The following USP20 variants were observed in gnomAD, a reference collection of about 807,000 sequenced individuals.
USP20 encodes the protein ubiquitin carboxyl-terminal hydrolase 20.
A neutral mutation model predicts 124.2 loss-of-function variants in USP20; 80 were observed. The observed-to-expected ratio is 0.64, with a 90% CI of 0.54 to 0.78. The LOEUF (loss-of-function observed/expected upper bound fraction) is 0.78, where lower values mean the gene tolerates loss of function less well. Ranked by LOEUF, USP20 falls within the 30% of genes least tolerant of loss-of-function variation. USP20 has a pLI of 0.00. For missense variants in USP20, 1,043 were observed against 1,244.4 expected (o/e 0.84, Z 2.44); for synonymous variants, 481 against 512.3 (o/e 0.94, Z 0.83).
intron 3 of USP20, among the ~76,000 whole-genome samples, chr9:129,853,783 A>AG (rs1042382645): frequency 2.6e-5 from 4 of 152,104 alleles, no homozygotes; most frequent in African/African-American, 9.7e-5. Flanking sequence ...ATCTGAGAGC[A>AG]GGGGGGGGAT....
In USP20 at chr9:129,858,117, G is replaced by T. The variant is rs755897614; in HGVS notation, c.198+5G>T. On this transcript the variant is annotated splice_donor_5th_base_variant and intron_variant, in intron 5 of 25. Transcript: ENST00000372429. ...CACAGCACCATTCATGCACAGGTGA[G>T]TGTGGTGGCTGAGAGTATGGGCCCT... 27 of 1,613,618 alleles carry T rather than the reference G, an allele frequency of 1.7e-5. No homozygotes were observed. The highest frequency in any genetic ancestry group is 2.2e-5 in the Non-Finnish European group (26 of 1,180,006).
rs2034587584 is a variant in USP20 at position 129,880,281 on chromosome 9, G to A, written c.*8G>A. 8 of 1,584,618 alleles carry A rather than the reference G, an allele frequency of 5.0e-6. No homozygotes were observed. Among genetic ancestry groups the A allele is most frequent in the Non-Finnish European group, 6.8e-6 (8 of 1,168,030 alleles). On this transcript the variant is annotated 3_prime_UTR_variant, in exon 25 of 26. Coordinates refer to ENST00000372429, the MANE Select transcript of USP20 (RefSeq NM_001110303.4). ...GAGACGCGGGCCGTGTGATCTGCTG[G>A]GCTAGTCTGTAAGTCGCCCCGGCTG...
chr9:129,875,030 G>A, intron 19 of USP20, 75 bp downstream of exon 19: 2 of 1,564,614 alleles, frequency 1.3e-6, no homozygotes, highest in Non-Finnish European at 1.7e-6. Flanking sequence ...TTCTGGGTGT[G>A]TGTAGGGGAC....
chr9:129,873,865 G>A (rs1031133212), intron 17 of USP20, 121 bp downstream of exon 17: 68 of 1,246,518 alleles, frequency 5.5e-5, no homozygotes, highest in African/African-American at 8.8e-5. Context: ...GGGCCGTGGA[G>A]ACTCCATAGC....
At chr9:129,852,121 C>G (rs145292235) in intron 2 of USP20, among the ~76,000 whole-genome samples, 1 of 152,316 alleles carries the variant, frequency 6.6e-6, no homozygotes, top group South Asian at 2.1e-4. Flanking sequence ...TCTACACTGC[C>G]GCCTTCTCTG....
Position 129,879,450 on chromosome 9 carries a change from C to A in USP20, c.2513-123C>A. 1 of 907,408 alleles carries A rather than the reference C, an allele frequency of 1.1e-6. No homozygotes were observed. 56.2% of individuals were successfully genotyped at this position (907,408 alleles called of 1,614,324 possible). On this transcript the variant is annotated intron_variant, in intron 23 of 25. Transcript: ENST00000372429. The surrounding 1 kb of genome is among the most constrained non-coding windows in gnomAD (Gnocchi z 4.2). Reference sequence around the variant, plus strand: ...GGAGCATTGGGTGGCTCAGGCGCCTCATCCATTAGAGACTTCACGCTGACC... The same window carrying A: ...GGAGCATTGGGTGGCTCAGGCGCCTAATCCATTAGAGACTTCACGCTGACC...
chr9:129,869,226 A>T lies in USP20; in HGVS notation c.1277-84A>T, dbSNP rs1022529115. 15 of 1,425,270 alleles carry T rather than the reference A, an allele frequency of 1.1e-5. No homozygotes were observed. The East Asian group carries it at 3.4e-4, about 33-fold the overall frequency. The allele number at this position is 1,425,270 out of a possible 1,614,324, so 88.3% of individuals were successfully genotyped here. On this transcript the variant is annotated intron_variant, in intron 12 of 25. Transcript: ENST00000372429. The stretch of plus-strand genomic sequence containing the variant: ...ATGTGACTCACGGATGTCACTCCAC[A>T]TCCTGTCAAAGGAAGCCGCAGGGCC...
chr9:129,866,615 G>A (rs1225467667), intron 10 of USP20, among the ~76,000 whole-genome samples: 2 of 152,228 alleles, frequency 1.3e-5, no homozygotes, highest in African/African-American at 2.4e-5. Flanking sequence ...GGAGGGCCAT[G>A]CGCTGCGGCA....
intron 1 of USP20, among the ~76,000 whole-genome samples, chr9:129,837,372 C>G (rs907625655): frequency 2.6e-4 from 39 of 152,248 alleles, no homozygotes; most frequent in African/African-American, 8.4e-4. Context: ...TTTCCTAGCT[C>G]CTTTCTGGAG....
rs201644041 is a variant in USP20 at position 129,870,590 on chromosome 9, T to A, written c.1660+43T>A. The A allele has an allele frequency of 1.5e-4, 248 of 1,606,062 alleles. 1 individual carries two copies. The East Asian group carries it at 5.5e-3, about 36-fold the overall frequency. ...CAAGGGTCGGGGAGGTGGAGGGTTGTGGGGACGGGGATGTGCAGACCCCAG... is the reference window on the plus strand; with the variant it reads ...CAAGGGTCGGGGAGGTGGAGGGTTGAGGGGACGGGGATGTGCAGACCCCAG... On this transcript the variant is annotated intron_variant, in intron 15 of 25. Coordinates refer to ENST00000372429, the MANE Select transcript of USP20 (RefSeq NM_001110303.4).
At chr9:129,868,588 G>T (rs1336480399) in intron 11 of USP20, 139 bp downstream of exon 11, 41 of 1,435,024 alleles carry the variant, frequency 2.9e-5, no homozygotes, top group Admixed American at 1.1e-4. Context: ...GTCAGCCTCC[G>T]GGGGGGCTCA....
chr9:129,879,576 C>T lies in USP20; in HGVS notation c.2516C>T (p.Pro839Leu). ...GAGCCCGCTGTGTCTGTTGCAGAGCCCCCCGGGCCCATTGACAACAGCAGG... is the reference window on the plus strand; with the variant it reads ...GAGCCCGCTGTGTCTGTTGCAGAGCTCCCCGGGCCCATTGACAACAGCAGG... Reference protein sequence around the residue: ...EAFVKGKDNEPPGPIDNSRIA... With the variant: ...EAFVKGKDNELPGPIDNSRIA... Residue 839 changes from proline (P) to leucine (L), a missense_variant, in exon 24 of 26, where the codon CCC (proline) becomes CTC (leucine). Physicochemically the swap from Pro to Leu is moderately conservative, Grantham distance 98 (BLOSUM62 -3). Transcript: ENST00000372429. The surrounding 1 kb of genome is among the most constrained non-coding windows in gnomAD (Gnocchi z 4.2). 6.2e-7 allele frequency: 1 copy of T among 1,613,540 alleles called. No homozygotes were observed. The highest frequency in any genetic ancestry group is 8.5e-7 in the Non-Finnish European group (1 of 1,179,938).
chr9:129,853,202 T>C (rs921797987), intron 3 of USP20, among the ~76,000 whole-genome samples: 1 of 152,040 alleles, frequency 6.6e-6, no homozygotes, highest in Non-Finnish European at 1.5e-5. Context: ...TTCAGTTTCT[T>C]TATGTGAATA....
At chr9:129,873,541 C>T (rs779893778) in intron 16 of USP20, 26 bp downstream of exon 16, 12 of 1,614,158 alleles carry the variant, frequency 7.4e-6, no homozygotes, top group Non-Finnish European at 6.8e-6. Flanking sequence ...CCCGCCTTCT[C>T]CCTAACTGCC....
chr9:129,870,151 T>C (rs528026674), intron 14 of USP20: 2 of 556,522 alleles, frequency 3.6e-6, no homozygotes, highest in South Asian at 4.4e-5. Context: ...GGCAGCAGCT[T>C]TCCCAGGGCT....
chr9:129,859,553 C>T (rs2033426199), intron 6 of USP20, among the ~76,000 whole-genome samples: 1 of 151,866 alleles, frequency 6.6e-6, no homozygotes, highest in Admixed American at 6.6e-5. Context: ...GGATTACAGG[C>T]AGGAGCCACC....
At chr9:129,864,923 G>A (rs915936084) in intron 9 of USP20, among the ~76,000 whole-genome samples, 12 of 152,210 alleles carry the variant, frequency 7.9e-5, no homozygotes, top group Admixed American at 7.2e-4. Flanking sequence ...GGTGCCATTG[G>A]TGGTGGTGTT....
chr9:129,855,804 C>T (rs1420233390), intron 3 of USP20, among the ~76,000 whole-genome samples: 1 of 152,174 alleles, frequency 6.6e-6, no homozygotes, highest in East Asian at 1.9e-4. Context: ...CTTTGACGCC[C>T]AGACCGCCAG....
chr9:129,864,325 G>C (rs776053543), intron 9 of USP20, among the ~76,000 whole-genome samples: 5 of 151,806 alleles, frequency 3.3e-5, no homozygotes, highest in Non-Finnish European at 7.4e-5. Context: ...AAAATTAGCT[G>C]AGTGTGGTGT....
Sources: allele counts gnomAD v4.1 joint callset (sites outside exome capture counted in the v4.1 genomes callset), GRCh38; gene constraint gnomAD v4.1.1; non-coding constraint Gnocchi (gnomAD v3.1); transcripts MANE v1.5; gene names NCBI Gene and HGNC (gene_info 2026-07-23, HGNC 2026-07-21).